SLC24A2: variants seen among roughly 807,000 people sequenced by gnomAD.
SLC24A2 encodes sodium/potassium/calcium exchanger 2.
In SLC24A2, 36 loss-of-function variants were observed where a neutral mutation model predicts 62.0. The ratio of observed to expected loss-of-function variants is 0.58; its 90% CI spans 0.44 to 0.77. The LOEUF (loss-of-function observed/expected upper bound fraction) is 0.77, where lower values mean the gene tolerates loss of function less well. Among genes scored for constraint, SLC24A2 ranks in the 30% least tolerant of loss-of-function variants. SLC24A2 has a pLI of 0.00. For synonymous variants in SLC24A2, 358 were observed against 294.0 expected (o/e 1.22, Z -2.23); for missense variants, 846 against 817.9 (o/e 1.03, Z -0.42).
intron 2 of SLC24A2, among the ~76,000 whole-genome samples, chr9:19,750,681 C>T (rs141608619): frequency 2.0e-5 from 3 of 152,250 alleles, no homozygotes; most frequent in South Asian, 4.1e-4. Context: ...ACCTCAGCAG[C>T]TTTTCATGCC....
intron 7 of SLC24A2, among the ~76,000 whole-genome samples, chr9:19,567,124 A>G (rs1835685889): frequency 6.6e-6 from 1 of 150,936 alleles, no homozygotes; most frequent in Non-Finnish European, 1.5e-5. Context: ...AAATATATAT[A>G]TAAAAGAACT....
the SLC24A2 span, among the ~76,000 whole-genome samples, chr9:20,059,423 T>C: frequency 6.6e-6 from 1 of 152,176 alleles, no homozygotes; most frequent in Non-Finnish European, 1.5e-5. Flanking sequence ...CTCCATAAAT[T>C]TTAAAAGATT....
chr9:19,755,037 TA>T (rs1227744888), intron 2 of SLC24A2, among the ~76,000 whole-genome samples: 1 of 152,170 alleles, frequency 6.6e-6, no homozygotes, highest in African/African-American at 2.4e-5. Flanking sequence ...TGAGCAGGTA[TA>T]AAGACTGAAA....
the SLC24A2 span, among the ~76,000 whole-genome samples, chr9:19,845,969 A>ATT: frequency 2.0e-5 from 3 of 149,242 alleles, no homozygotes; most frequent in East Asian, 1.9e-4. Flanking sequence ...GTATGACTTC[A>ATT]TTTTTTTTTC....
At chr9:19,906,226 T>A in the SLC24A2 span, among the ~76,000 whole-genome samples, 1 of 152,076 alleles carries the variant, frequency 6.6e-6, no homozygotes, top group African/African-American at 2.4e-5. Flanking sequence ...CCTGAATGAC[T>A]ACTGGGTACA....
At chr9:19,572,479 T>C (rs888464659) in intron 7 of SLC24A2, among the ~76,000 whole-genome samples, 1 of 152,050 alleles carries the variant, frequency 6.6e-6, no homozygotes, top group African/African-American at 2.4e-5. Context: ...CTGAGTGGGT[T>C]CTCATGAGAT....
chr9:20,208,912 G>C, the SLC24A2 span, among the ~76,000 whole-genome samples: 1 of 152,186 alleles, frequency 6.6e-6, no homozygotes, highest in African/African-American at 2.4e-5. Context: ...AAGTGGATCT[G>C]GCCAGTCAGC....
At chr9:19,922,497 T>C in the SLC24A2 span, among the ~76,000 whole-genome samples, 1 of 152,230 alleles carries the variant, frequency 6.6e-6, no homozygotes, top group Non-Finnish European at 1.5e-5. Flanking sequence ...AGGTTTTACC[T>C]TCCATGGGAT....
chr9:19,789,472 G>C (rs181709032), upstream of SLC24A2, among the ~76,000 whole-genome samples: 55 of 152,338 alleles, frequency 3.6e-4, no homozygotes, highest in African/African-American at 1.2e-3. Flanking sequence ...AGGCTGTTGG[G>C]GTCCAGGGTT....
At chr9:20,074,555 C>CAGGAAGGAAGGAAGGA in the SLC24A2 span, among the ~76,000 whole-genome samples, 992 of 87,322 alleles carry the variant, frequency 0.011, 48 homozygotes, top group African/African-American at 0.05. Context: ...GAGAAGAAGG[C>CAGGAAGGAAGGAAGGA]AGGAAGGAAG....
At chr9:19,553,801 G>C (rs1834953998) in intron 7 of SLC24A2, among the ~76,000 whole-genome samples, 1 of 152,226 alleles carries the variant, frequency 6.6e-6, no homozygotes, top group Non-Finnish European at 1.5e-5. Flanking sequence ...TAAAAGGTGA[G>C]ACAGAACAGA....
At chr9:20,217,219 T>C in the SLC24A2 span, among the ~76,000 whole-genome samples, 3 of 152,130 alleles carry the variant, frequency 2.0e-5, no homozygotes, top group Non-Finnish European at 2.9e-5. Context: ...GACATAGAAA[T>C]TGCCAACTGT....
chr9:19,814,761 A>G, the SLC24A2 span, among the ~76,000 whole-genome samples: 1 of 152,204 alleles, frequency 6.6e-6, no homozygotes, highest in Non-Finnish European at 1.5e-5. Context: ...GCATTTAGAC[A>G]TTAGGAATCT....
At chr9:19,867,437 C>T in the SLC24A2 span, among the ~76,000 whole-genome samples, 1 of 152,088 alleles carries the variant, frequency 6.6e-6, no homozygotes, top group African/African-American at 2.4e-5. Context: ...GAATTTGTTC[C>T]TCTTATTTAA....
At chr9:19,531,692 A>ACCCCCCCCCCCCC (rs141054914) in intron 8 of SLC24A2, among the ~76,000 whole-genome samples, 22 of 121,166 alleles carry the variant, frequency 1.8e-4, no homozygotes, top group African/African-American at 2.1e-4. Context: ...TTTAACAAAG[A>ACCCCCCCCCCCCC]CCCCCCCCCA....
chr9:19,801,560 C>G, the SLC24A2 span, among the ~76,000 whole-genome samples: 1 of 152,232 alleles, frequency 6.6e-6, no homozygotes, highest in African/African-American at 2.4e-5. Context: ...AAGAGGGTAG[C>G]CGCTGCCAGC....
At chr9:20,179,878 T>A in the SLC24A2 span, among the ~76,000 whole-genome samples, 22 of 152,170 alleles carry the variant, frequency 1.4e-4, no homozygotes, top group African/African-American at 5.1e-4. Flanking sequence ...TGAACAGAAC[T>A]GCACAAAAGG....
chr9:19,881,407 C>T, the SLC24A2 span, among the ~76,000 whole-genome samples: 1 of 152,194 alleles, frequency 6.6e-6, no homozygotes, highest in Admixed American at 6.5e-5. Context: ...GAACCATCTA[C>T]TGACTTAGGC....
At chr9:19,524,137 C>CCA (rs745589496) in intron 9 of SLC24A2, among the ~76,000 whole-genome samples, 2 of 84,704 alleles carry the variant, frequency 2.4e-5, no homozygotes, top group Non-Finnish European at 4.3e-5. Flanking sequence ...ACTTCATTTT[C>CCA]AAAAAAAAAA....
Sources: gnomAD v4.1 joint callset for allele counts (sites outside exome capture counted in the v4.1 genomes callset) on GRCh38, gnomAD v4.1.1 for gene constraint, MANE v1.5 for transcripts, NCBI Gene and HGNC (gene_info 2026-07-23, HGNC 2026-07-21) for gene names.